Variants in TACR3 observed in about 807,000 individuals in gnomAD.
TACR3 encodes the protein tachykinin receptor 3.
TACR3 carries 34 observed loss-of-function variants against 35.0 expected under a neutral mutation model. The ratio of observed to expected loss-of-function variants is 0.97; its 90% CI spans 0.74 to 1.30. The LOEUF is 1.30. Ranked by LOEUF, TACR3 falls within the 50% of genes most tolerant of loss-of-function variation. TACR3 has a pLI of 0.00. For missense variants in TACR3, 558 were observed against 591.7 expected (o/e 0.94, Z 0.59); for synonymous variants, 233 against 221.1 (o/e 1.05, Z -0.48).
chr4:103,640,735 A>T (rs1560818901), intron 3 of TACR3, among the ~76,000 whole-genome samples: 1 of 150,938 alleles, frequency 6.6e-6, no homozygotes, highest in Non-Finnish European at 1.5e-5. Flanking sequence ...ACGTTATGAG[A>T]TTTTTTTTTA....
chr4:103,639,072 C>G (rs1456123464), intron 3 of TACR3, among the ~76,000 whole-genome samples: 1 of 152,188 alleles, frequency 6.6e-6, no homozygotes, highest in Non-Finnish European at 1.5e-5. Flanking sequence ...CCATTTGACC[C>G]AGCCATCCCA....
chr4:103,646,665 CA>C (rs1175043280), intron 3 of TACR3, among the ~76,000 whole-genome samples: 1 of 151,756 alleles, frequency 6.6e-6, no homozygotes, highest in Non-Finnish European at 1.5e-5. Context: ...TTGTCATTGC[CA>C]AGGATTTTTA....
intron 1 of TACR3, among the ~76,000 whole-genome samples, chr4:103,697,044 G>T (rs1307917730): frequency 6.6e-6 from 1 of 152,088 alleles, no homozygotes; most frequent in Non-Finnish European, 1.5e-5. Context: ...CTCCCAAAGC[G>T]CTGGGATTAC....
At chr4:103,685,355 T>A (rs1219309211) in intron 1 of TACR3, among the ~76,000 whole-genome samples, 2 of 152,104 alleles carry the variant, frequency 1.3e-5, no homozygotes, top group African/African-American at 2.4e-5. Flanking sequence ...CTTAAAAAAA[T>A]TAACTCAAAA....
chr4:103,597,597 C>G (rs180741120), intron 3 of TACR3, among the ~76,000 whole-genome samples: 1 of 151,866 alleles, frequency 6.6e-6, no homozygotes, highest in Non-Finnish European at 1.5e-5. Flanking sequence ...AATGCTATCC[C>G]TCCCCCGTCC....
At chr4:103,668,175 T>C (rs1725974412) in intron 1 of TACR3, among the ~76,000 whole-genome samples, 2 of 152,164 alleles carry the variant, frequency 1.3e-5, no homozygotes, top group South Asian at 2.1e-4. Flanking sequence ...ACCTTGGATA[T>C]GTTGTAGGTC....
chr4:103,632,783 A>C (rs1326951727), intron 3 of TACR3, among the ~76,000 whole-genome samples: 1 of 152,112 alleles, frequency 6.6e-6, no homozygotes, highest in African/African-American at 2.4e-5. Flanking sequence ...TTTCCAGAAA[A>C]GTGAATCTGT....
At chr4:103,630,195 G>A (rs1040691459) in intron 3 of TACR3, among the ~76,000 whole-genome samples, 3 of 152,232 alleles carry the variant, frequency 2.0e-5, no homozygotes, top group South Asian at 4.1e-4. Flanking sequence ...AATTCAAATG[G>A]ATTAAAGACT....
chr4:103,641,125 C>T (rs575805305), intron 3 of TACR3, among the ~76,000 whole-genome samples: 15 of 151,954 alleles, frequency 9.9e-5, no homozygotes, highest in African/African-American at 2.7e-4. Flanking sequence ...CATGTGTATA[C>T]CCAAGGTCCC....
chr4:103,590,028 A>T, intron 4 of TACR3, 34 bp from the exon 5 acceptor site: 1 of 1,598,240 alleles, frequency 6.3e-7, no homozygotes, highest in Non-Finnish European at 8.5e-7. Flanking sequence ...AGAAAAAGTT[A>T]TTTTTTCAAG....
At chr4:103,607,019 T>G (rs1560804718) in intron 3 of TACR3, among the ~76,000 whole-genome samples, 1 of 151,914 alleles carries the variant, frequency 6.6e-6, no homozygotes, top group Non-Finnish European at 1.5e-5. Flanking sequence ...TTATTGAGAG[T>G]TTTTAGCATG....
chr4:103,689,250 T>A, intron 1 of TACR3, among the ~76,000 whole-genome samples: 1 of 60,302 alleles, frequency 1.7e-5, no homozygotes, highest in Non-Finnish European at 3.0e-5. Context: ...GGGACTGTTG[T>A]GGGGTCGGGG....
At chr4:103,676,304 C>A (rs1362277067) in intron 1 of TACR3, among the ~76,000 whole-genome samples, 1 of 152,096 alleles carries the variant, frequency 6.6e-6, no homozygotes, top group Non-Finnish European at 1.5e-5. Context: ...AAGTAGTTTT[C>A]TTAACTTTGC....
Position 103,697,105 on chromosome 4 carries a change from T to C in TACR3, c.548+22023A>G, listed in dbSNP as rs1185189725. ...TGATTAGCCATTTTTAAAAATGGCATGTGAGTTTAACACTGGAAAGCACTT... is the reference window on the plus strand; with the variant it reads ...TGATTAGCCATTTTTAAAAATGGCACGTGAGTTTAACACTGGAAAGCACTT... On this transcript the variant is annotated intron_variant, in intron 1 of 4. Coordinates refer to ENST00000304883, the MANE Select transcript of TACR3 (RefSeq NM_001059.3). Among the ~76,000 whole-genome samples the C allele has an allele frequency of 4.6e-5, 7 of 152,246 alleles. No homozygotes were observed. In the East Asian group the frequency reaches 9.7e-4, roughly 21 times the overall value.
At chr4:103,616,354 ATAAC>A (rs914635261) in intron 3 of TACR3, among the ~76,000 whole-genome samples, 3 of 152,164 alleles carry the variant, frequency 2.0e-5, no homozygotes, top group Admixed American at 6.6e-5. Flanking sequence ...ATATACATAA[ATAAC>A]ATATGGAGTA....
intron 3 of TACR3, among the ~76,000 whole-genome samples, chr4:103,645,636 G>A (rs555351711): frequency 6.6e-6 from 1 of 152,018 alleles, no homozygotes; most frequent in Non-Finnish European, 1.5e-5. Flanking sequence ...AAGAAAAAAG[G>A]AGAATCAGAC....
chr4:103,657,076 A>G (rs762117360), intron 2 of TACR3, among the ~76,000 whole-genome samples: 6 of 152,256 alleles, frequency 3.9e-5, no homozygotes, highest in East Asian at 1.9e-4. Flanking sequence ...TAAGAATTCA[A>G]TTAGCGAGGA....
intron 1 of TACR3, among the ~76,000 whole-genome samples, chr4:103,711,450 A>G (rs1311601932): frequency 5.3e-5 from 8 of 152,238 alleles, no homozygotes; most frequent in Admixed American, 5.2e-4. Context: ...ACAACACTTC[A>G]TGCTAAGAAC....
At chr4:103,638,888 A>C (rs1392829200) in intron 3 of TACR3, among the ~76,000 whole-genome samples, 1 of 152,180 alleles carries the variant, frequency 6.6e-6, no homozygotes, top group Non-Finnish European at 1.5e-5. Context: ...AACCACAATG[A>C]GATACCATCT....
Sources: gnomAD v4.1 joint callset for allele counts (sites outside exome capture counted in the v4.1 genomes callset) on GRCh38, gnomAD v4.1.1 for gene constraint, MANE v1.5 for transcripts, NCBI Gene and HGNC (gene_info 2026-07-23, HGNC 2026-07-21) for gene names.